Variants in PRKCE observed in about 807,000 individuals in gnomAD.
PRKCE encodes the protein protein kinase C epsilon type.
In PRKCE, 16 loss-of-function variants were observed where a neutral mutation model predicts 85.4. The ratio of observed to expected loss-of-function variants is 0.19; its 90% CI spans 0.13 to 0.28. The LOEUF (loss-of-function observed/expected upper bound fraction) is 0.28. Among genes scored for constraint, PRKCE ranks in the 10% least tolerant of loss-of-function variants. The pLI is 1.00. For synonymous variants in PRKCE, 388 were observed against 371.5 expected (o/e 1.04, Z -0.51); for missense variants, 573 against 975.2 (o/e 0.59, Z 5.49).
chr2:45,921,962 C>G (rs1698280912), intron 2 of PRKCE, among the ~76,000 whole-genome samples: 1 of 152,050 alleles, frequency 6.6e-6, no homozygotes, highest in South Asian at 2.1e-4. Context: ...ATCACATGTT[C>G]CCTCATATAG....
chr2:45,783,314 G>T (rs1239482624), intron 1 of PRKCE, among the ~76,000 whole-genome samples: 1 of 152,174 alleles, frequency 6.6e-6, no homozygotes, highest in African/African-American at 2.4e-5. Flanking sequence ...CATCCTGCTG[G>T]TGGCTGTCCT....
At chr2:45,997,249 C>G (rs1201631573) in intron 6 of PRKCE, among the ~76,000 whole-genome samples, 1 of 151,970 alleles carries the variant, frequency 6.6e-6, no homozygotes, top group African/African-American at 2.4e-5. Flanking sequence ...GTCTATTGCT[C>G]TTTACAAAGA....
At chr2:45,695,063 G>C (rs1678032445) in intron 1 of PRKCE, among the ~76,000 whole-genome samples, 1 of 152,198 alleles carries the variant, frequency 6.6e-6, no homozygotes, top group South Asian at 2.1e-4. Flanking sequence ...CAAGGTGGCA[G>C]TTCCTTCTCC....
intron 11 of PRKCE, among the ~76,000 whole-genome samples, chr2:46,105,125 C>T (rs56047501): frequency 0.31 from 47,338 of 151,732 alleles, 7,537 homozygotes; most frequent in South Asian, 0.42. Context: ...AGAGTTTGTC[C>T]GCTGCTTCTT....
At chr2:46,095,565 C>G (rs1670604613) in intron 11 of PRKCE, among the ~76,000 whole-genome samples, 1 of 152,244 alleles carries the variant, frequency 6.6e-6, no homozygotes, top group African/African-American at 2.4e-5. Flanking sequence ...TCCAGAGTAA[C>G]TGTTACTGCA....
intron 11 of PRKCE, among the ~76,000 whole-genome samples, chr2:46,132,212 A>G (rs1164551873): frequency 2.0e-5 from 3 of 151,902 alleles, no homozygotes; most frequent in East Asian, 1.9e-4. Flanking sequence ...TCAAGTCCCA[A>G]CCATCAAGCG....
At chr2:45,708,160 C>A (rs1679277762) in intron 1 of PRKCE, among the ~76,000 whole-genome samples, 1 of 139,460 alleles carries the variant, frequency 7.2e-6, no homozygotes, top group South Asian at 2.5e-4. Flanking sequence ...TGCAGATTTC[C>A]TTTAATGTCT....
At chr2:46,077,604 C>T (rs978846868) in intron 10 of PRKCE, among the ~76,000 whole-genome samples, 3 of 152,100 alleles carry the variant, frequency 2.0e-5, no homozygotes, top group African/African-American at 4.8e-5. Context: ...TGGGAGTTAG[C>T]AGGGGGTGAA....
chr2:45,762,956 C>CTT (rs11322742), intron 1 of PRKCE, among the ~76,000 whole-genome samples: 30 of 135,418 alleles, frequency 2.2e-4, no homozygotes, highest in African/African-American at 8.4e-4. Flanking sequence ...TTCTTTTCTT[C>CTT]TTTTTTTTTT....
At chr2:46,035,675 T>C (rs1451548853) in intron 10 of PRKCE, among the ~76,000 whole-genome samples, 1 of 152,250 alleles carries the variant, frequency 6.6e-6, no homozygotes, top group Non-Finnish European at 1.5e-5. Context: ...TAGTAGATGG[T>C]AAGGTAAATA....
chr2:45,733,910 G>GGC (rs1175540408), intron 1 of PRKCE, among the ~76,000 whole-genome samples: 2 of 152,190 alleles, frequency 1.3e-5, no homozygotes, highest in East Asian at 1.9e-4. Context: ...TGTGCACATG[G>GGC]CATTCATTGT....
At position 46,004,686 on chromosome 2, in the gene PRKCE, T is replaced by C. The variant is rs751964603; in HGVS notation, c.1063+48T>C. 24 of 1,467,734 alleles carry C rather than the reference T, an allele frequency of 1.6e-5. No homozygotes were observed. The East Asian group carries it at 3.4e-4, about 21-fold the overall frequency. The allele number at this position is 1,467,734 out of a possible 1,614,324, so 90.9% of individuals were successfully genotyped here. On this transcript the variant is annotated intron_variant, in intron 8 of 14. Coordinates refer to ENST00000306156, the MANE Select transcript of PRKCE (RefSeq NM_005400.3). The surrounding 1 kb of genome is among the most constrained non-coding windows in gnomAD (Gnocchi z 4.1). The stretch of plus-strand genomic sequence containing the variant: ...CTGACCTCTGAGTTCTGCCATTGGA[T>C]GGACCAAGGAGCTCTGAGGCCTCTT...
intron 2 of PRKCE, among the ~76,000 whole-genome samples, chr2:45,846,601 G>A (rs1691809498): frequency 6.6e-6 from 1 of 152,212 alleles, no homozygotes; most frequent in Non-Finnish European, 1.5e-5. Flanking sequence ...TATTGTGGAA[G>A]CAGAAGAGCA....
intron 6 of PRKCE, among the ~76,000 whole-genome samples, chr2:45,993,534 C>T (rs909486991): frequency 6.6e-6 from 1 of 152,168 alleles, no homozygotes; most frequent in Non-Finnish European, 1.5e-5. Context: ...CCCCCTTTGC[C>T]GACCTGCCAG....
intron 2 of PRKCE, among the ~76,000 whole-genome samples, chr2:45,929,388 C>T (rs779399071): frequency 7.2e-5 from 11 of 152,192 alleles, no homozygotes; most frequent in Non-Finnish European, 1.0e-4. Flanking sequence ...TACTCTTGTG[C>T]GTACTCTCCA....
intron 10 of PRKCE, among the ~76,000 whole-genome samples, chr2:46,013,778 T>C (rs1705885175): frequency 1.3e-5 from 2 of 152,190 alleles, no homozygotes; most frequent in Admixed American, 6.5e-5. Flanking sequence ...TTTTTCAATA[T>C]ATCGGAAAAA....
intron 10 of PRKCE, among the ~76,000 whole-genome samples, chr2:46,072,289 G>A (rs183626118): frequency 1.3e-5 from 2 of 152,318 alleles, no homozygotes; most frequent in East Asian, 3.9e-4. Context: ...GGATTGAGTT[G>A]TATGTTTACG....
At chr2:46,102,932 C>G (rs1671374849) in intron 11 of PRKCE, among the ~76,000 whole-genome samples, 1 of 152,076 alleles carries the variant, frequency 6.6e-6, no homozygotes, top group African/African-American at 2.4e-5. Context: ...TTTTCCATGC[C>G]CTTTTCCATA....
chr2:45,935,655 C>T (rs1006931925), intron 2 of PRKCE, among the ~76,000 whole-genome samples: 14 of 151,894 alleles, frequency 9.2e-5, no homozygotes, highest in African/African-American at 2.2e-4. Flanking sequence ...GGCATTGTGA[C>T]GTGCCGGTAA....
Sources: allele counts gnomAD v4.1 joint callset (sites outside exome capture counted in the v4.1 genomes callset), GRCh38; gene constraint gnomAD v4.1.1; non-coding constraint Gnocchi (gnomAD v3.1); transcripts MANE v1.5; gene names NCBI Gene and HGNC (gene_info 2026-07-23, HGNC 2026-07-21).